The following EPHA6 variants were observed in gnomAD, a reference collection of about 807,000 sequenced individuals.
EPHA6 encodes the protein EPH receptor A6.
In EPHA6, 50 loss-of-function variants were observed where a neutral mutation model predicts 112.0. The ratio of observed to expected loss-of-function variants is 0.45; its 90% CI spans 0.36 to 0.56. The LOEUF (loss-of-function observed/expected upper bound fraction) is 0.56. Among genes scored for constraint, EPHA6 ranks in the 20% least tolerant of loss-of-function variants. EPHA6 has a pLI of 0.00. For synonymous variants in EPHA6, 529 were observed against 490.7 expected, an observed-to-expected ratio of 1.08 and a Z score of -1.03; for missense variants, 1,280 against 1,417.4, an observed-to-expected ratio of 0.90 and a Z score of 1.56.
chr3:97,356,700 T>C (rs2084095395), intron 5 of EPHA6, among the ~76,000 whole-genome samples: 1 of 152,176 alleles, frequency 6.6e-6, no homozygotes, highest in Non-Finnish European at 1.5e-5. Context: ...TCTGTTGAAA[T>C]TTAATTAGTG....
chr3:97,645,716 T>G (rs1238356839), intron 14 of EPHA6, among the ~76,000 whole-genome samples: 1 of 152,038 alleles, frequency 6.6e-6, no homozygotes, highest in African/African-American at 2.4e-5. Flanking sequence ...TGCATGAAAA[T>G]AGCTTTAAAG....
rs958336925 is a variant in EPHA6 at position 97,395,756 on chromosome 3, A to G, written c.1607-9394A>G. Among the ~76,000 whole-genome samples the G allele has an allele frequency of 2.6e-5, 4 of 151,804 alleles. No individual in the cohort carries two copies. The East Asian group carries it at 7.7e-4, about 29-fold the overall frequency. On this transcript the variant is annotated intron_variant, in intron 5 of 17. Transcript: ENST00000389672. ...TCCTAAAAGAGGCACAAGGAAGAAAATAAAAGAAAAATGTAAAGAAATAAG... is the reference window on the plus strand; with the variant it reads ...TCCTAAAAGAGGCACAAGGAAGAAAGTAAAAGAAAAATGTAAAGAAATAAG...
chr3:97,457,211 C>T (rs973203928), intron 7 of EPHA6, among the ~76,000 whole-genome samples: 2 of 151,984 alleles, frequency 1.3e-5, no homozygotes, highest in Admixed American at 1.3e-4. Context: ...CAGCAAGTAC[C>T]GATAGAATGA....
chr3:97,543,638 G>A (rs997043619), intron 11 of EPHA6, among the ~76,000 whole-genome samples: 47 of 151,944 alleles, frequency 3.1e-4, no homozygotes, highest in Non-Finnish European at 4.6e-4. Context: ...GAAGAAAGTC[G>A]TTGGTAGCTT....
At chr3:97,712,240 A>G (rs1307772529) in intron 14 of EPHA6, among the ~76,000 whole-genome samples, 1 of 152,172 alleles carries the variant, frequency 6.6e-6, no homozygotes, top group Non-Finnish European at 1.5e-5. Flanking sequence ...TTTAAAATAC[A>G]CTGGGGAGGG....
intron 1 of EPHA6, among the ~76,000 whole-genome samples, chr3:96,831,932 C>G (rs1164836254): frequency 6.6e-6 from 1 of 152,068 alleles, no homozygotes; most frequent in South Asian, 2.1e-4. Flanking sequence ...GATTTCAACT[C>G]TGCTTCTTCT....
At chr3:97,100,673 G>A (rs3920084) in intron 3 of EPHA6, among the ~76,000 whole-genome samples, 31,977 of 151,696 alleles carry the variant, frequency 0.21, 4,779 homozygotes, top group African/African-American at 0.4. Context: ...CTGAAGGTAC[G>A]TGTTCCAAAT....
chr3:97,458,313 T>A (rs1267159958), intron 7 of EPHA6, among the ~76,000 whole-genome samples: 1 of 152,116 alleles, frequency 6.6e-6, no homozygotes, highest in East Asian at 1.9e-4. Flanking sequence ...AGATATAAAA[T>A]AGCTGATTCA....
At chr3:97,467,345 T>C (rs2091088805) in intron 7 of EPHA6, among the ~76,000 whole-genome samples, 1 of 151,856 alleles carries the variant, frequency 6.6e-6, no homozygotes, top group Admixed American at 6.6e-5. Flanking sequence ...AATCTAAGTT[T>C]ATACAGTTCA....
rs1271070759 is a variant in EPHA6 at position 97,752,612 on chromosome 3, G to A, written c.*3911G>A. Among the ~76,000 whole-genome samples, 1 of 152,022 alleles carries A rather than the reference G, an allele frequency of 6.6e-6. No homozygotes were observed. The highest frequency in any genetic ancestry group is 1.5e-5 in the Non-Finnish European group (1 of 67,960). ...TTTTAGAAGAGGCTTGGGGCAGGGGGATGTTGCAAAAGCTATAATATTTTG... is the reference window on the plus strand; with the variant it reads ...TTTTAGAAGAGGCTTGGGGCAGGGGAATGTTGCAAAAGCTATAATATTTTG... On this transcript the variant is annotated 3_prime_UTR_variant, in exon 18 of 18. Transcript: ENST00000389672.
intron 1 of EPHA6, among the ~76,000 whole-genome samples, chr3:96,847,116 C>T (rs1336993199): frequency 6.6e-6 from 1 of 151,994 alleles, no homozygotes; most frequent in African/African-American, 2.4e-5. Flanking sequence ...CATTTTTCTT[C>T]TAAATCCAGT....
At chr3:96,941,386 C>T (rs1184273140) in intron 2 of EPHA6, among the ~76,000 whole-genome samples, 7 of 152,238 alleles carry the variant, frequency 4.6e-5, no homozygotes, top group East Asian at 1.9e-4. Context: ...TCCAGTTGAT[C>T]GCATCGGCTC....
intron 3 of EPHA6, among the ~76,000 whole-genome samples, chr3:97,136,339 A>G (rs1239659738): frequency 6.6e-6 from 1 of 152,242 alleles, no homozygotes; most frequent in Non-Finnish European, 1.5e-5. Context: ...AGACTATCAC[A>G]ATAAGACAGT....
At chr3:96,838,099 T>A (rs1315546840) in intron 1 of EPHA6, among the ~76,000 whole-genome samples, 2 of 150,068 alleles carry the variant, frequency 1.3e-5, no homozygotes, top group African/African-American at 4.9e-5. Flanking sequence ...ACCCAATGTG[T>A]CCATATGTTT....
At chr3:97,203,467 C>T (rs1210906010) in intron 3 of EPHA6, among the ~76,000 whole-genome samples, 2 of 152,044 alleles carry the variant, frequency 1.3e-5, no homozygotes, top group African/African-American at 2.4e-5. Context: ...CAAAACAAAG[C>T]ATCATACCCA....
At chr3:97,561,771 G>C (rs2093195939) in intron 11 of EPHA6, among the ~76,000 whole-genome samples, 2 of 152,084 alleles carry the variant, frequency 1.3e-5, no homozygotes, top group Non-Finnish European at 2.9e-5. Flanking sequence ...TTCATAAGTA[G>C]AGAGAAGTTA....
intron 3 of EPHA6, among the ~76,000 whole-genome samples, chr3:97,137,014 T>G (rs974524271): frequency 6.6e-6 from 1 of 152,030 alleles, no homozygotes; most frequent in Non-Finnish European, 1.5e-5. Flanking sequence ...TCAAAAGAAT[T>G]TCTACATCAC....
intron 11 of EPHA6, among the ~76,000 whole-genome samples, chr3:97,582,849 C>T (rs895017327): frequency 5.3e-5 from 8 of 151,984 alleles, no homozygotes; most frequent in South Asian, 4.2e-4. Context: ...AACATTTGTT[C>T]GTAGATAGTG....
At chr3:96,896,782 C>A (rs1019484486) in intron 2 of EPHA6, among the ~76,000 whole-genome samples, 23 of 152,178 alleles carry the variant, frequency 1.5e-4, no homozygotes, top group Non-Finnish European at 2.6e-4. Context: ...CAAGACTCTT[C>A]ACTTACCTAT....
Sources: gnomAD v4.1 joint callset for allele counts (sites outside exome capture counted in the v4.1 genomes callset) on GRCh38, gnomAD v4.1.1 for gene constraint, MANE v1.5 for transcripts, NCBI Gene and HGNC (gene_info 2026-07-23, HGNC 2026-07-21) for gene names.